Variants in RGS6 observed in about 807,000 individuals in gnomAD.
RGS6 encodes the protein regulator of G-protein signaling 6.
A neutral mutation model predicts 78.5 loss-of-function variants in RGS6; 30 were observed. The ratio of observed to expected loss-of-function variants is 0.38; its 90% CI spans 0.29 to 0.52. The LOEUF is 0.52. RGS6 is among the 20% of genes least tolerant of loss of function. The probability of loss-of-function intolerance (pLI) is 0.85; values close to 1 mark genes in which losing one functional copy is unlikely to be tolerated. For missense variants in RGS6, 495 were observed against 609.7 expected, an observed-to-expected ratio of 0.81 and a Z score of 1.98; for synonymous variants, 206 against 206.0, an observed-to-expected ratio of 1.00 and a Z score of 0.00.
At chr14:72,543,604 G>C (rs1349576424) in intron 17 of RGS6, among the ~76,000 whole-genome samples, 1 of 152,236 alleles carries the variant, frequency 6.6e-6, no homozygotes, top group Admixed American at 6.5e-5. Context: ...TGACCAGGGA[G>C]AGGAGGTGCC....
chr14:72,059,221 C>T (rs147981321), intron 2 of RGS6, among the ~76,000 whole-genome samples: 5 of 152,116 alleles, frequency 3.3e-5, no homozygotes, highest in African/African-American at 1.2e-4. Flanking sequence ...TTTCAATACT[C>T]TTTTCTCAGG....
chr14:72,012,973 A>G (rs543381868), intron 2 of RGS6, among the ~76,000 whole-genome samples: 1 of 152,270 alleles, frequency 6.6e-6, no homozygotes, highest in Admixed American at 6.5e-5. Flanking sequence ...AATGGCTCCT[A>G]TAAAATAAAG....
chr14:71,890,976 T>A, the RGS6 span, among the ~76,000 whole-genome samples: 2 of 152,172 alleles, frequency 1.3e-5, no homozygotes, highest in Admixed American at 6.5e-5. Context: ...AAACAGATTC[T>A]AGAGTGAAGG....
At chr14:72,556,261 G>C (rs1269072758) in intron 17 of RGS6, among the ~76,000 whole-genome samples, 1 of 152,098 alleles carries the variant, frequency 6.6e-6, no homozygotes, top group Non-Finnish European at 1.5e-5. Flanking sequence ...TTACAATCAT[G>C]GTGGAAAGGG....
At chr14:71,872,270 G>T in the RGS6 span, among the ~76,000 whole-genome samples, 1 of 152,188 alleles carries the variant, frequency 6.6e-6, no homozygotes, top group Non-Finnish European at 1.5e-5. Flanking sequence ...CGGTGACTCA[G>T]GGCTTCCTTC....
intron 6 of RGS6, among the ~76,000 whole-genome samples, chr14:72,464,496 T>C (rs573145080): frequency 2.0e-5 from 3 of 152,268 alleles, no homozygotes; most frequent in Admixed American, 6.5e-5. Context: ...TATCAGTAAA[T>C]TTTTCAGAAC....
At chr14:72,418,602 A>T (rs1737930836) in intron 3 of RGS6, among the ~76,000 whole-genome samples, 1 of 152,230 alleles carries the variant, frequency 6.6e-6, no homozygotes, top group African/African-American at 2.4e-5. Context: ...AGCAGGCCCA[A>T]TGATGGATAG....
rs190430354 is a variant in RGS6 at position 72,259,836 on chromosome 14, G to C, written c.85-92259G>C. ...TGAGGCCGGAGAATGGCGTGAACCC[G>C]GGAGGCGGAGCTTGCAGTGAGCCGA... On this transcript the variant is annotated intron_variant, in intron 2 of 17. Transcript: ENST00000553525. 7.8e-3 allele frequency among the ~76,000 whole-genome samples: 1,171 copies of C among 150,522 alleles called. 15 individuals are homozygous for C. Among genetic ancestry groups the C allele is most frequent in the African/African-American group, 0.027 (1,110 of 40,634 alleles).
At chr14:72,498,638 G>A (rs569058792) in intron 13 of RGS6, among the ~76,000 whole-genome samples, 28 of 152,236 alleles carry the variant, frequency 1.8e-4, no homozygotes, top group African/African-American at 6.0e-4. Context: ...GACTCTATCA[G>A]TAGCTGGTGA....
chr14:72,595,942 A>G, the RGS6 span, among the ~76,000 whole-genome samples: 22 of 152,176 alleles, frequency 1.4e-4, no homozygotes, highest in Non-Finnish European at 2.4e-4. Flanking sequence ...ATAGGGCTTG[A>G]GCTCTTTAAA....
chr14:71,919,417 A>G, the RGS6 span, among the ~76,000 whole-genome samples: 1 of 152,134 alleles, frequency 6.6e-6, no homozygotes, highest in South Asian at 2.1e-4. Flanking sequence ...TCCTCTGGGG[A>G]TGAGAAAGCT....
At chr14:72,188,417 G>A (rs767573129) in intron 2 of RGS6, among the ~76,000 whole-genome samples, 3 of 152,076 alleles carry the variant, frequency 2.0e-5, no homozygotes, top group Non-Finnish European at 4.4e-5. Flanking sequence ...GATCTCATGA[G>A]CTAATGCCCC....
chr14:72,034,037 T>TA (rs2091317733), intron 2 of RGS6, among the ~76,000 whole-genome samples: 3 of 152,336 alleles, frequency 2.0e-5, no homozygotes, highest in African/African-American at 4.8e-5. Context: ...TGATGCTCGT[T>TA]AGCCATTTAT....
At chr14:72,534,997 T>G (rs184395962) in intron 15 of RGS6, among the ~76,000 whole-genome samples, 3 of 152,268 alleles carry the variant, frequency 2.0e-5, no homozygotes, top group Non-Finnish European at 4.4e-5. Context: ...CCAACCTCCC[T>G]CCTAACACAT....
chr14:72,254,705 C>T (rs147737212), intron 2 of RGS6, among the ~76,000 whole-genome samples: 1 of 152,278 alleles, frequency 6.6e-6, no homozygotes, highest in Non-Finnish European at 1.5e-5. Context: ...ATCACAGAAG[C>T]AGCAATCCCT....
At chr14:71,990,688 GTA>G in intron 2 of RGS6, 1 of 455,936 alleles carries the variant, frequency 2.2e-6, no homozygotes, top group South Asian at 1.5e-5. Context: ...ATTCTTTTCT[GTA>G]TGCTGTCCAG....
At position 72,101,950 on chromosome 14, in the gene RGS6, T is replaced by C. The variant is rs148062438; in HGVS notation, c.84+137075T>C. 1.6e-3 allele frequency among the ~76,000 whole-genome samples: 249 copies of C among 152,330 alleles called. 1 individual carries two copies. Among genetic ancestry groups the C allele is most frequent in the East Asian group, 6.4e-3 (33 of 5,188 alleles). ...TTCCACCTGCATCATTGGAGTTGGC[T>C]TCTTGGTGTTGACAAACCTTACAAT... On this transcript the variant is annotated intron_variant, in intron 2 of 17. Coordinates refer to ENST00000553525, the MANE Select transcript of RGS6 (RefSeq NM_001204424.2).
intron 3 of RGS6, among the ~76,000 whole-genome samples, chr14:72,442,670 C>T (rs1322071067): frequency 1.3e-5 from 2 of 152,216 alleles, no homozygotes; most frequent in African/African-American, 4.8e-5. Context: ...GAACATCTTA[C>T]AGGTGTTATC....
At chr14:72,062,949 A>G (rs2093964609) in intron 2 of RGS6, among the ~76,000 whole-genome samples, 1 of 152,134 alleles carries the variant, frequency 6.6e-6, no homozygotes, top group Non-Finnish European at 1.5e-5. Flanking sequence ...TCAGCCTCTG[A>G]GTAGCTGAGA....
Sources: allele counts gnomAD v4.1 joint callset (sites outside exome capture counted in the v4.1 genomes callset), GRCh38; gene constraint gnomAD v4.1.1; transcripts MANE v1.5; gene names NCBI Gene and HGNC (gene_info 2026-07-23, HGNC 2026-07-21).